KCNH5: variants seen among roughly 807,000 people sequenced by gnomAD.
The protein encoded by KCNH5 is potassium voltage-gated channel subfamily H member 5.
Under a neutral mutation model 96.1 loss-of-function variants are expected in KCNH5, and 46 were observed. The observed-to-expected ratio is 0.48, with a 90% CI of 0.38 to 0.61. KCNH5 has a LOEUF of 0.61. Among genes scored for constraint, KCNH5 ranks in the 20% least tolerant of loss-of-function variants. The pLI is 0.00. For synonymous variants in KCNH5, 439 were observed against 449.8 expected, an observed-to-expected ratio of 0.98 and a Z score of 0.30; for missense variants, 907 against 1,225.8, an observed-to-expected ratio of 0.74 and a Z score of 3.88.
At position 63,016,422 on chromosome 14, in the gene KCNH5, A is replaced by G. The variant is rs137977590; in HGVS notation, c.197+409T>C. On this transcript the variant is annotated intron_variant, in intron 2 of 10. Coordinates refer to ENST00000322893, the MANE Select transcript of KCNH5 (RefSeq NM_139318.5). ...TTTATTTTATGTTCTTTACATTCTC[A>G]TGGACCATGTTTAACTTGGCCAGGT... is the stretch of plus-strand genomic sequence containing the variant. Among the ~76,000 whole-genome samples the G allele has an allele frequency of 1.9e-3, 286 of 152,108 alleles. 1 individual carries two copies. Among genetic ancestry groups the G allele is most frequent in the African/African-American group, 6.4e-3 (266 of 41,534 alleles).
intron 4 of KCNH5, among the ~76,000 whole-genome samples, chr14:62,997,183 C>T (rs920031446): frequency 6.6e-6 from 1 of 152,060 alleles, no homozygotes; most frequent in Non-Finnish European, 1.5e-5. Context: ...GCGTTAAAAA[C>T]AATCCAATTA....
chr14:62,993,883 A>G (rs889401769), intron 4 of KCNH5, among the ~76,000 whole-genome samples: 1 of 152,060 alleles, frequency 6.6e-6, no homozygotes, highest in Admixed American at 6.6e-5. Context: ...ATGCAAACAG[A>G]GAGCTGAATA....
chr14:62,998,379 C>T (rs550599029), intron 4 of KCNH5, among the ~76,000 whole-genome samples: 1 of 152,218 alleles, frequency 6.6e-6, no homozygotes, highest in African/African-American at 2.4e-5. Flanking sequence ...GGTTTACTAA[C>T]TTTAATGACC....
chr14:62,747,787 T>C (rs1472054257), intron 10 of KCNH5, among the ~76,000 whole-genome samples: 1 of 152,200 alleles, frequency 6.6e-6, no homozygotes, highest in Non-Finnish European at 1.5e-5. Flanking sequence ...ATTTAACAAA[T>C]GTTAGGGAAC....
At chr14:62,954,124 GT>G (rs1433761157) in intron 6 of KCNH5, among the ~76,000 whole-genome samples, 1 of 152,066 alleles carries the variant, frequency 6.6e-6, no homozygotes, top group Non-Finnish European at 1.5e-5. Context: ...TTCATGCTAC[GT>G]TACAAGTTAT....
chr14:62,929,633 C>G (rs1287259076), intron 7 of KCNH5, among the ~76,000 whole-genome samples: 1 of 151,918 alleles, frequency 6.6e-6, no homozygotes, highest in Non-Finnish European at 1.5e-5. Flanking sequence ...TATTTTTGAA[C>G]CTCTCTTTTT....
intron 10 of KCNH5, among the ~76,000 whole-genome samples, chr14:62,728,938 C>A (rs529996957): frequency 2.0e-4 from 31 of 152,202 alleles, no homozygotes; most frequent in Non-Finnish European, 3.4e-4. Flanking sequence ...TTGAGCTGTT[C>A]TATAATATGT....
intron 7 of KCNH5, among the ~76,000 whole-genome samples, chr14:62,870,346 T>A (rs1888228639): frequency 6.6e-6 from 1 of 152,214 alleles, no homozygotes; most frequent in South Asian, 2.1e-4. Flanking sequence ...ATATTTTACC[T>A]GCTATATATA....
chr14:62,976,333 G>A (rs1890498597), intron 6 of KCNH5, among the ~76,000 whole-genome samples: 1 of 149,744 alleles, frequency 6.7e-6, no homozygotes. Context: ...AACCCAGGAA[G>A]CAGAGCTTGC....
At chr14:62,993,101 T>C in intron 4 of KCNH5, among the ~76,000 whole-genome samples, 1 of 152,092 alleles carries the variant, frequency 6.6e-6, no homozygotes, top group East Asian at 1.9e-4. Flanking sequence ...TCTTATTGGC[T>C]TTGTCAAAGA....
intron 2 of KCNH5, among the ~76,000 whole-genome samples, chr14:63,013,738 C>T (rs1891272526): frequency 6.6e-6 from 1 of 152,012 alleles, no homozygotes; most frequent in Non-Finnish European, 1.5e-5. Context: ...TGTTTTATTT[C>T]ATTTTAGGCT....
chr14:63,031,123 A>G (rs1216239499), intron 1 of KCNH5, among the ~76,000 whole-genome samples: 1 of 152,020 alleles, frequency 6.6e-6, no homozygotes, highest in Non-Finnish European at 1.5e-5. Flanking sequence ...AAGAGTATCT[A>G]GTAGGGGGAA....
chr14:62,733,761 C>T (rs532524129), intron 10 of KCNH5, among the ~76,000 whole-genome samples: 1 of 152,284 alleles, frequency 6.6e-6, no homozygotes, highest in East Asian at 1.9e-4. Context: ...CCACTTTACT[C>T]TTCCAGTAAA....
intron 7 of KCNH5, among the ~76,000 whole-genome samples, chr14:62,852,960 A>C (rs546070908): frequency 2.0e-5 from 3 of 152,162 alleles, no homozygotes; most frequent in Non-Finnish European, 4.4e-5. Flanking sequence ...AGACATACCT[A>C]TCTTCTTGGA....
chr14:62,888,486 C>G (rs913377491), intron 7 of KCNH5, among the ~76,000 whole-genome samples: 31 of 152,102 alleles, frequency 2.0e-4, no homozygotes, highest in African/African-American at 7.5e-4. Context: ...TGGCAGTGGG[C>G]AGGCATCTGA....
At chr14:62,847,884 C>G (rs1349258388) in intron 8 of KCNH5, among the ~76,000 whole-genome samples, 1 of 152,222 alleles carries the variant, frequency 6.6e-6, no homozygotes, top group Non-Finnish European at 1.5e-5. Context: ...CACTTTGAGA[C>G]ACACTGCATG....
At chr14:62,969,187 G>A (rs1890357177) in intron 6 of KCNH5, among the ~76,000 whole-genome samples, 1 of 151,916 alleles carries the variant, frequency 6.6e-6, no homozygotes, top group Non-Finnish European at 1.5e-5. Flanking sequence ...AATCTCAAAA[G>A]AAATTTAAAA....
chr14:62,950,623 A>C, intron 6 of KCNH5, 64 bp from the exon 7 acceptor site: 1 of 1,310,370 alleles, frequency 7.6e-7, no homozygotes, highest in Non-Finnish European at 1.0e-6. Flanking sequence ...CTGGGGAAAC[A>C]ATACAATGGC....
At chr14:62,866,271 G>A (rs996202147) in intron 7 of KCNH5, among the ~76,000 whole-genome samples, 2 of 152,178 alleles carry the variant, frequency 1.3e-5, no homozygotes, top group Non-Finnish European at 2.9e-5. Flanking sequence ...TTCAAAGAGT[G>A]TAAGTTTTGA....
Sources: gnomAD v4.1 joint callset for allele counts (sites outside exome capture counted in the v4.1 genomes callset) on GRCh38, gnomAD v4.1.1 for gene constraint, MANE v1.5 for transcripts, NCBI Gene and HGNC (gene_info 2026-07-23, HGNC 2026-07-21) for gene names.